GP1BA: variants seen among roughly 807,000 people sequenced by gnomAD.
GP1BA encodes the protein glycoprotein Ib platelet subunit alpha.
GP1BA carries 3 observed loss-of-function variants against 5.6 expected under a neutral mutation model. The observed-to-expected ratio is 0.53, with a 90% confidence interval of 0.24 to 1.38. The LOEUF is 1.38. Ranked by LOEUF, GP1BA falls within the 40% of genes most tolerant of loss-of-function variation. The pLI is 0.16. For synonymous variants in GP1BA, 323 were observed against 358.3 expected, an observed-to-expected ratio of 0.90 and a Z score of 1.11; for missense variants, 707 against 801.4, an observed-to-expected ratio of 0.88 and a Z score of 1.42.
rs1175448299 is a variant in GP1BA at position 4,934,662 on chromosome 17, G to C, written c.*99G>C. On this transcript the variant is annotated 3_prime_UTR_variant, in exon 2 of 2. Transcript: ENST00000329125. ...GGTAAGGAACACAGGGTGATAGGGA[G>C]GGGTCTTAGTTCCTTTTTCTGTATC... 1 of 984,470 alleles carries C rather than the reference G, an allele frequency of 1.0e-6. No individual in the cohort carries two copies. The highest frequency in any genetic ancestry group is 1.7e-5 in the African/African-American group (1 of 59,836). The allele number at this position is 984,470 out of a possible 1,614,324, so 61.0% of individuals were successfully genotyped here. A position where few individuals can be genotyped will look rare whatever the true frequency, so the allele number is the denominator to read the frequency against.
Position 4,934,187 on chromosome 17 carries a change from T to C in GP1BA, c.1583T>C (p.Leu528Pro). Residue 528 changes from leucine to proline, a missense_variant, in exon 2 of 2, where the codon CTC becomes CCC. By Grantham distance (98) the Leu-to-Pro change is moderately conservative. This residue lies in a region of GP1BA where 247 missense variants were observed against 246.6 expected (regional missense o/e 1.00). Transcript: ENST00000329125. ...TTTCTCCACCCCGACTTTTGCTGCC[T>C]CCTCCCCCTGGGCTTCTATGTCTTG... ...DPFLHPDFCC[L>P]LPLGFYVLGL... is the part of the protein sequence containing the mutation. The C allele has an allele frequency of 6.2e-7, 1 of 1,613,782 alleles. No homozygotes were observed. The highest frequency in any genetic ancestry group is 8.5e-7 in the Non-Finnish European group (1 of 1,179,798).
rs757486849 is a variant in GP1BA, at chr17:4,933,290, T to G, written c.686T>G (p.Ile229Ser). Residue 229 changes from isoleucine to serine, a missense_variant, in exon 2 of 2, where the codon ATC (isoleucine) becomes AGC (serine). By Grantham distance (142) the Ile-to-Ser change is moderately radical. Transcript: ENST00000329125. Reference protein sequence around the residue: ...HGNPWLCNCEILYFRRWLQDN... With the variant: ...HGNPWLCNCESLYFRRWLQDN... The stretch of plus-strand genomic sequence containing the variant: ...AACCCCTGGTTATGCAACTGTGAGA[T>G]CCTCTATTTTCGTCGCTGGCTGCAG... The G allele has an allele frequency of 6.2e-7, 1 of 1,614,008 alleles. No individual in the cohort carries two copies.
In GP1BA at chr17:4,933,729, T is replaced by C. The variant is rs1258184956; in HGVS notation, c.1125T>C (p.Thr375=). 5.0e-6 allele frequency: 8 copies of C among 1,612,904 alleles called. No homozygotes were observed. Among genetic ancestry groups the C allele is most frequent in the Non-Finnish European group, 6.8e-6 (8 of 1,179,690 alleles). ...LHMESITFSK[T]PKSTTEPTPS... ...TGGAATCCATCACATTCTCCAAAACTCCAAAATCCACTACTGAACCAACCC... is the reference window on the plus strand; with the variant it reads ...TGGAATCCATCACATTCTCCAAAACCCCAAAATCCACTACTGAACCAACCC... The change falls in exon 2 of 2, where the codon ACT becomes ACC. Residue 375 remains threonine (T), a synonymous_variant. Coordinates refer to ENST00000329125, the MANE Select transcript of GP1BA (RefSeq NM_000173.7).
In GP1BA at chr17:4,933,264, G is replaced by A; in HGVS notation, c.660G>A (p.Gly220=). The change falls in exon 2 of 2, where the codon GGG becomes GGA. Residue 220 remains glycine, a synonymous_variant. Transcript: ENST00000329125. ...TCCTGCCTTTTGCTTTTCTCCACGG[G>A]AACCCCTGGTTATGCAACTGTGAGA... ...SHLLPFAFLH[G]NPWLCNCEIL... 2 of 1,613,972 alleles carry A rather than the reference G, an allele frequency of 1.2e-6. No homozygotes were observed. The highest frequency in any genetic ancestry group is 1.7e-6 in the Non-Finnish European group (2 of 1,179,876).
rs1270718514 is a variant in GP1BA at position 4,934,632 on chromosome 17, G to A, written c.*69G>A. The stretch of plus-strand genomic sequence containing the variant: ...TCCTATTGGAATCTAGTTGGGGGTT[G>A]GAGGGGTAAGGAACACAGGGTGATA... On this transcript the variant is annotated 3_prime_UTR_variant, in exon 2 of 2. Transcript: ENST00000329125. 7 of 1,503,498 alleles carry A rather than the reference G, an allele frequency of 4.7e-6. No homozygotes were observed. Among genetic ancestry groups the A allele is most frequent in the Middle Eastern group, 1.9e-4 (1 of 5,360 alleles). 93.1% of individuals were successfully genotyped at this position (1,503,498 alleles called of 1,614,324 possible).
rs982160551 is a variant in GP1BA at position 4,932,865 on chromosome 17, G to C, written c.261G>C (p.Gln87His). The C allele has an allele frequency of 2.1e-5, 34 of 1,613,906 alleles. No homozygotes were observed. The highest frequency in any genetic ancestry group is 2.9e-5 in the Non-Finnish European group (34 of 1,179,910). ...ATAGGTGCGAGCTCACCAAGCTCCA[G>C]GTCGATGGGACGCTGCCAGTGCTGG... ...NLDRCELTKL[Q>H]VDGTLPVLGT... The change falls in exon 2 of 2, where the codon CAG becomes CAC. Residue 87 changes from glutamine to histidine, a missense_variant. Around this residue, in one of 3 missense-constraint regions of GP1BA, gnomAD observed 442 missense variants for 498.8 expected, o/e 0.89. Transcript: ENST00000329125. The surrounding 1 kb of genome is among the most constrained non-coding windows in gnomAD (Gnocchi z 4.8).
rs376767591 is a variant in GP1BA, at chr17:4,932,934, G to A, written c.330G>A (p.Leu110=). 3.1e-5 allele frequency: 50 copies of A among 1,613,850 alleles called. No homozygotes were observed. The highest frequency in any genetic ancestry group is 4.1e-5 in the Non-Finnish European group (48 of 1,179,896). The change falls in exon 2 of 2, where the codon TTG becomes TTA. Residue 110 remains leucine (L), a synonymous_variant. Coordinates refer to ENST00000329125, the MANE Select transcript of GP1BA (RefSeq NM_000173.7). This position sits in a 1 kb window ranked among gnomAD's most constrained non-coding sequence, Gnocchi z 4.8. ...ACAATCAGCTGCAAAGCCTGCCCTT[G>A]CTAGGGCAGACACTGCCTGCTCTCA... ...LSHNQLQSLP[L]LGQTLPALTV...
Position 4,934,549 on chromosome 17 carries a change from G to C in GP1BA, c.1945G>C (p.Gly649Arg), listed in dbSNP as rs1306619808. The change falls in exon 2 of 2, where the codon GGC becomes CGC. Residue 649 changes from glycine to arginine, a missense_variant. Around this residue, in one of 3 missense-constraint regions of GP1BA, gnomAD observed 247 missense variants for 246.6 expected, o/e 1.00. Transcript: ENST00000329125. ...LLSTVSIRYS[G>R]HSL is the part of the protein sequence containing the mutation. ...GAGCACAGTGAGCATTAGGTACTCT[G>C]GCCACAGCCTCTGAGGGTGGGAGGT... 1 of 1,613,990 alleles carries C rather than the reference G, an allele frequency of 6.2e-7. No individual in the cohort carries two copies. Among genetic ancestry groups the C allele is most frequent in the Non-Finnish European group, 8.5e-7 (1 of 1,179,896 alleles).
Position 4,932,758 on chromosome 17 carries a change from C to G in GP1BA, c.154C>G (p.Leu52Val). The G allele has an allele frequency of 6.2e-7, 1 of 1,614,036 alleles. No homozygotes were observed. Among genetic ancestry groups the G allele is most frequent in the Non-Finnish European group, 8.5e-7 (1 of 1,179,902 alleles). ...AGACCTGCCGAAAGACACAACCATCCTCCACCTGAGTGAGAACCTCCTGTA... is the reference window on the plus strand; with the variant it reads ...AGACCTGCCGAAAGACACAACCATCGTCCACCTGAGTGAGAACCTCCTGTA... The part of the protein sequence containing the change: ...PPDLPKDTTI[L>V]HLSENLLYTF... Residue 52 changes from leucine (L) to valine (V), a missense_variant, in exon 2 of 2, where the codon CTC becomes GTC. Physicochemically the swap from Leu to Val is conservative, Grantham distance 32. This residue lies in a region of GP1BA where 442 missense variants were observed against 498.8 expected (regional missense o/e 0.89). Transcript: ENST00000329125. This position sits in a 1 kb window ranked among gnomAD's most constrained non-coding sequence, Gnocchi z 4.8.
rs773710769 is a variant in GP1BA at position 4,933,564 on chromosome 17, A to C, written c.960A>C (p.Thr320=). 2.5e-6 allele frequency: 4 copies of C among 1,613,898 alleles called. No individual in the cohort carries two copies. The highest frequency in any genetic ancestry group is 3.4e-6 in the Non-Finnish European group (4 of 1,179,850). The change falls in exon 2 of 2, where the codon ACA becomes ACC. Residue 320 remains threonine, a synonymous_variant. Coordinates refer to ENST00000329125, the MANE Select transcript of GP1BA (RefSeq NM_000173.7). ...TCAAGTTCCCCACCAAAGCCCATAC[A>C]ACCCCCTGGGGTCTATTCTACTCAT... is the stretch of plus-strand genomic sequence containing the variant. ...TVVKFPTKAH[T]TPWGLFYSWS...
Position 4,934,728 on chromosome 17 carries a change from C to G in GP1BA, c.*165C>G. On this transcript the variant is annotated 3_prime_UTR_variant, in exon 2 of 2. Coordinates refer to ENST00000329125, the MANE Select transcript of GP1BA (RefSeq NM_000173.7). ...ACAACACAGGCACACAATTTCAGTC[C>G]CAGCCAAAGCAGAAGGGGTAATGAC... 1 of 716,844 alleles carries G rather than the reference C, an allele frequency of 1.4e-6. No individual in the cohort carries two copies. Among genetic ancestry groups the G allele is most frequent in the South Asian group, 1.8e-5 (1 of 55,164 alleles). 44.4% of individuals were successfully genotyped at this position (716,844 alleles called of 1,614,324 possible).
chr17:4,932,412 G>T lies in GP1BA; in HGVS notation c.-7+47G>T. 1.4e-6 allele frequency: 2 copies of T among 1,389,688 alleles called. No individual in the cohort carries two copies. Among genetic ancestry groups the T allele is most frequent in the Non-Finnish European group, 1.9e-6 (2 of 1,062,160 alleles). 86.1% of individuals were successfully genotyped at this position (1,389,688 alleles called of 1,614,324 possible). A position where few individuals can be genotyped will look rare whatever the true frequency, so the allele number is the denominator to read the frequency against. ...GGCAGGAGAGGGGTCTGAGGGAGGGGAAAGAGCCAAGGACCTGGAGCTAGT... is the reference window on the plus strand; with the variant it reads ...GGCAGGAGAGGGGTCTGAGGGAGGGTAAAGAGCCAAGGACCTGGAGCTAGT... On this transcript the variant is annotated intron_variant, in intron 1 of 1. Coordinates refer to ENST00000329125, the MANE Select transcript of GP1BA (RefSeq NM_000173.7). This position sits in a 1 kb window ranked among gnomAD's most constrained non-coding sequence, Gnocchi z 4.8.
rs1169038126 is a variant in GP1BA, at chr17:4,933,391, C to A, written c.787C>A (p.Gln263Lys). ...CATGACCTCTAACGTGGCCAGTGTG[C>A]AGTGTGACAATTCAGACAAGTTTCC... ...KAMTSNVASV[Q>K]CDNSDKFPVY... The change falls in exon 2 of 2, where the codon CAG becomes AAG. Residue 263 changes from glutamine to lysine, a missense_variant. Coordinates refer to ENST00000329125, the MANE Select transcript of GP1BA (RefSeq NM_000173.7). 1 of 1,613,786 alleles carries A rather than the reference C, an allele frequency of 6.2e-7. No individual in the cohort carries two copies. The highest frequency in any genetic ancestry group is 8.5e-7 in the Non-Finnish European group (1 of 1,179,708).
In GP1BA at chr17:4,933,925, TCAGAGCCCGCCCCCAG is replaced by T. The variant is rs1970383492; in HGVS notation, c.1323_1338del (p.Glu442ArgfsTer25). 1 of 444,916 alleles carries T rather than the reference TCAGAGCCCGCCCCCAG, an allele frequency of 2.2e-6. No homozygotes were observed. Among genetic ancestry groups the T allele is most frequent in the Non-Finnish European group, 3.6e-6 (1 of 275,840 alleles). The allele number at this position is 444,916 out of a possible 1,614,324, so 27.6% of individuals were successfully genotyped here. A position where few individuals can be genotyped will look rare whatever the true frequency, so the allele number is the denominator to read the frequency against. On this transcript the variant is annotated frameshift_variant, in exon 2 of 2. Transcript: ENST00000329125. LOFTEE classifies it low-confidence loss of function (END_TRUNC). ...CAGCCCGACCACCCCAGAGCCCACC[TCAGAGCCCGCCCCCAG>T]CCCGACCACCCCGGAGCCCACCCCA...
Position 4,933,765 on chromosome 17 carries a change from C to T in GP1BA, c.1161C>T (p.Thr387=), listed in dbSNP as rs762865345. The change falls in exon 2 of 2, where the codon ACC becomes ACT. Residue 387 remains threonine (T), a synonymous_variant. Coordinates refer to ENST00000329125, the MANE Select transcript of GP1BA (RefSeq NM_000173.7). ...KSTTEPTPSP[T]TSEPVPEPAP... ...CTACTGAACCAACCCCAAGCCCGAC[C>T]ACCTCAGAGCCCGTCCCGGAGCCCG... 6 of 1,613,798 alleles carry T rather than the reference C, an allele frequency of 3.7e-6. No individual in the cohort carries two copies. Among genetic ancestry groups the T allele is most frequent in the Non-Finnish European group, 4.2e-6 (5 of 1,179,820 alleles).
rs751176342 is a variant in GP1BA at position 4,933,616 on chromosome 17, A to T, written c.1012A>T (p.Met338Leu). Residue 338 changes from methionine to leucine, a missense_variant, in exon 2 of 2, where the codon ATG becomes TTG. By Grantham distance (15) the Met-to-Leu change is conservative (BLOSUM62 2). This residue lies in a region of GP1BA where 442 missense variants were observed against 498.8 expected (regional missense o/e 0.89). Transcript: ENST00000329125. ...SWSTASLDSQMPSSLHPTQES... is the reference protein window; with the variant it reads ...SWSTASLDSQLPSSLHPTQES... ...GTCCACTGCTTCTCTAGACAGCCAAATGCCCTCCTCCTTGCATCCAACACA... is the reference window on the plus strand; with the variant it reads ...GTCCACTGCTTCTCTAGACAGCCAATTGCCCTCCTCCTTGCATCCAACACA... 1 of 1,613,868 alleles carries T rather than the reference A, an allele frequency of 6.2e-7. No individual in the cohort carries two copies.
rs183989314 is a variant in GP1BA at position 4,932,577 on chromosome 17, C to T, written c.-6-22C>T. ...CTTCCAGGGGATGCAGGGGGATCCA[C>T]TCAAGGCTCCCTTGCCCACAGGTCC... On this transcript the variant is annotated intron_variant, in intron 1 of 1. Coordinates refer to ENST00000329125, the MANE Select transcript of GP1BA (RefSeq NM_000173.7). This position sits in a 1 kb window ranked among gnomAD's most constrained non-coding sequence, Gnocchi z 4.8. 1,624 of 1,602,396 alleles carry T rather than the reference C, an allele frequency of 1.0e-3. 2 individuals carry two copies. Among genetic ancestry groups the T allele is most frequent in the Non-Finnish European group, 1.3e-3 (1,510 of 1,172,598 alleles).
Position 4,933,772 on chromosome 17 carries a change from G to A in GP1BA, c.1168G>A (p.Glu390Lys). The A allele has an allele frequency of 6.2e-7, 1 of 1,613,462 alleles. No individual in the cohort carries two copies. Among genetic ancestry groups the A allele is most frequent in the Non-Finnish European group, 8.5e-7 (1 of 1,179,780 alleles). ...TEPTPSPTTSEPVPEPAPNMT... is the reference protein window; with the variant it reads ...TEPTPSPTTSKPVPEPAPNMT... ...ACCAACCCCAAGCCCGACCACCTCA[G>A]AGCCCGTCCCGGAGCCCGCCCCAAA... Residue 390 changes from glutamate to lysine, a missense_variant, in exon 2 of 2, where the codon GAG becomes AAG. Physicochemically the swap from Glu to Lys is moderately conservative, Grantham distance 56 (BLOSUM62 1). Coordinates refer to ENST00000329125, the MANE Select transcript of GP1BA (RefSeq NM_000173.7).
chr17:4,934,409 T>G lies in GP1BA; in HGVS notation c.1805T>G (p.Leu602Arg). 1 of 1,614,044 alleles carries G rather than the reference T, an allele frequency of 6.2e-7. No homozygotes were observed. Among genetic ancestry groups the G allele is most frequent in the Admixed American group, 1.7e-5 (1 of 60,028 alleles). ...TGGCTGCTCTTCCTTCGAGGTTCGCTTCCCACTTTCCGCTCCAGCCTCTTC... is the reference window on the plus strand; with the variant it reads ...TGGCTGCTCTTCCTTCGAGGTTCGCGTCCCACTTTCCGCTCCAGCCTCTTC... ...RAWLLFLRGS[L>R]PTFRSSLFLW... The change falls in exon 2 of 2, where the codon CTT becomes CGT. Residue 602 changes from leucine to arginine, a missense_variant. Physicochemically the swap from Leu to Arg is moderately radical, Grantham distance 102. Coordinates refer to ENST00000329125, the MANE Select transcript of GP1BA (RefSeq NM_000173.7).
Sources: allele counts gnomAD v4.1 joint callset, GRCh38; gene constraint gnomAD v4.1.1; regional missense constraint gnomAD v4.1.1; non-coding constraint Gnocchi (gnomAD v3.1); transcripts MANE v1.5; gene names NCBI Gene and HGNC (gene_info 2026-07-23, HGNC 2026-07-21).